Variants in RNF11 observed in about 807,000 individuals in gnomAD.
RNF11 encodes the protein ring finger protein 11.
In RNF11, 4 loss-of-function variants were observed where a neutral mutation model predicts 15.8. That is an observed-to-expected ratio of 0.25 (90% CI 0.12 to 0.58). RNF11 has a LOEUF of 0.58. RNF11 is among the 20% of genes least tolerant of loss of function. The probability of loss-of-function intolerance (pLI) is 0.91; values close to 1 mark genes in which losing one functional copy is unlikely to be tolerated. For synonymous variants in RNF11, 68 were observed against 72.3 expected, an observed-to-expected ratio of 0.94 and a Z score of 0.30; for missense variants, 139 against 194.4, an observed-to-expected ratio of 0.71 and a Z score of 1.70.
intron 1 of RNF11, among the ~76,000 whole-genome samples, chr1:51,260,255 G>A (rs1024819341): frequency 6.6e-6 from 1 of 152,150 alleles, no homozygotes; most frequent in African/African-American, 2.4e-5. Context: ...ATTAATTTAT[G>A]TGTGTTCTTT....
At chr1:51,243,187 A>G (rs1646837765) in intron 1 of RNF11, among the ~76,000 whole-genome samples, 1 of 152,244 alleles carries the variant, frequency 6.6e-6, no homozygotes, top group Non-Finnish European at 1.5e-5. Flanking sequence ...AGAATGATAC[A>G]TTAAACTTGT....
chr1:51,246,979 T>TA (rs58842374), intron 1 of RNF11, among the ~76,000 whole-genome samples: 6,345 of 126,486 alleles, frequency 0.05, 333 homozygotes, highest in African/African-American at 0.14. Context: ...CCTTATCTCT[T>TA]AAAAAAAAAA....
chr1:51,250,502 A>C (rs939449805), intron 1 of RNF11: 33 of 526,136 alleles, frequency 6.3e-5, no homozygotes, highest in Middle Eastern at 5.1e-4. Context: ...TACAGTGCTA[A>C]TTTGTTTACA....
At chr1:51,260,191 G>A (rs183040889) in intron 1 of RNF11, among the ~76,000 whole-genome samples, 22 of 152,216 alleles carry the variant, frequency 1.4e-4, no homozygotes, top group Non-Finnish European at 2.2e-4. Flanking sequence ...ATCGTAAATG[G>A]TGTTCAAACT....
chr1:51,270,681 A>G (rs1646974637), intron 2 of RNF11, among the ~76,000 whole-genome samples: 1 of 152,214 alleles, frequency 6.6e-6, no homozygotes, highest in South Asian at 2.1e-4. Context: ...TTACTCTAGG[A>G]TTACTCTAAA....
chr1:51,244,743 T>A (rs1646844599), intron 1 of RNF11, among the ~76,000 whole-genome samples: 1 of 152,190 alleles, frequency 6.6e-6, no homozygotes, highest in African/African-American at 2.4e-5. Context: ...AACCAGTTAT[T>A]TGTTATTTGT....
chr1:51,265,505 CTT>C (rs1319721283), intron 1 of RNF11, among the ~76,000 whole-genome samples: 1 of 152,164 alleles, frequency 6.6e-6, no homozygotes, highest in Non-Finnish European at 1.5e-5. Context: ...GATTCTCGCT[CTT>C]TCTCTCTTTT....
rs1322084984 is a variant in RNF11, at chr1:51,236,637, C to T, written c.-120C>T. 3.6e-6 allele frequency: 5 copies of T among 1,406,662 alleles called. No individual in the cohort carries two copies. The African/African-American group carries it at 5.7e-5, about 16-fold the overall frequency. 87.1% of individuals were successfully genotyped at this position (1,406,662 alleles called of 1,614,324 possible). A position where few individuals can be genotyped will look rare whatever the true frequency, so the allele number is the denominator to read the frequency against. On this transcript the variant is annotated 5_prime_UTR_variant, in exon 1 of 3. Coordinates refer to ENST00000242719, the MANE Select transcript of RNF11 (RefSeq NM_014372.5). ...GCACCGTGGGGCGGTGGAGTCGCCT[C>T]CGCCTGATCCCCGGCCTGTCGCCCG...
intron 1 of RNF11, among the ~76,000 whole-genome samples, chr1:51,245,048 TTATGTAGA>T (rs1272300601): frequency 6.6e-6 from 1 of 152,208 alleles, no homozygotes; most frequent in African/African-American, 2.4e-5. Context: ...ATAGAAATAC[TTATGTAGA>T]TTGGGATTCT....
At chr1:51,252,013 G>A (rs942942063) in intron 1 of RNF11, among the ~76,000 whole-genome samples, 2 of 147,176 alleles carry the variant, frequency 1.4e-5, no homozygotes, top group Non-Finnish European at 3.0e-5. Context: ...CGGGAGACAG[G>A]TCGCAGTGAG....
At chr1:51,268,616 G>C (rs1394568946) in intron 1 of RNF11, among the ~76,000 whole-genome samples, 2 of 152,172 alleles carry the variant, frequency 1.3e-5, no homozygotes, top group Admixed American at 1.3e-4. Flanking sequence ...ATTTTTGTTT[G>C]TTAGGTTCAA....
chr1:51,262,436 A>C (rs1646934300), intron 1 of RNF11, among the ~76,000 whole-genome samples: 1 of 152,274 alleles, frequency 6.6e-6, no homozygotes, highest in Non-Finnish European at 1.5e-5. Context: ...GGATACTGAA[A>C]GTAAAAGTAA....
At chr1:51,252,163 T>C (rs1646881966) in intron 1 of RNF11, among the ~76,000 whole-genome samples, 1 of 152,094 alleles carries the variant, frequency 6.6e-6, no homozygotes, top group Non-Finnish European at 1.5e-5. Flanking sequence ...CTTATGATTT[T>C]CCTAATATTC....
chr1:51,251,176 G>A (rs982597740), intron 1 of RNF11: 1 of 1,518,354 alleles, frequency 6.6e-7, no homozygotes, highest in African/African-American at 1.4e-5. Context: ...TCATCCTTGA[G>A]AGAGGCCCCC....
At position 51,260,939 on chromosome 1, in the gene RNF11, G is replaced by A. The variant is rs367886178; in HGVS notation, c.124-9017G>A. On this transcript the variant is annotated intron_variant, in intron 1 of 2. Coordinates refer to ENST00000242719, the MANE Select transcript of RNF11 (RefSeq NM_014372.5). ...TAAGTTAAAAATTTTTTAAAGTTTG[G>A]AACAAATTTGCTTAATAAAGTCAGT... Among the ~76,000 whole-genome samples the A allele has an allele frequency of 5.0e-3, 768 of 152,122 alleles. 2 individuals are homozygous for A. The highest frequency in any genetic ancestry group is 0.027 in the Middle Eastern group (8 of 294).
intron 1 of RNF11, among the ~76,000 whole-genome samples, chr1:51,257,296 G>C (rs1646908105): frequency 6.6e-6 from 1 of 152,166 alleles, no homozygotes; most frequent in African/African-American, 2.4e-5. Context: ...GAATGCTCTG[G>C]CATATTTAAA....
chr1:51,236,969 G>A, intron 1 of RNF11, 90 bp downstream of exon 1: 2 of 1,480,472 alleles, frequency 1.4e-6, no homozygotes, highest in Non-Finnish European at 1.8e-6. Context: ...CCCTGGCTTC[G>A]GCAAGGCCTG....
At chr1:51,270,953 T>G (rs1569689907) in intron 2 of RNF11, among the ~76,000 whole-genome samples, 198 bp from the exon 3 acceptor site, 2 of 152,238 alleles carry the variant, frequency 1.3e-5, no homozygotes, top group East Asian at 3.8e-4. Context: ...CTGCAAATTC[T>G]CAGGGGATTG....
intron 1 of RNF11, chr1:51,250,621 C>T (rs976348341): frequency 1.5e-5 from 11 of 715,376 alleles, no homozygotes; most frequent in African/African-American, 3.5e-5. Flanking sequence ...ACAGCTGGAG[C>T]CTGGGTCCGC....
Sources: gnomAD v4.1 joint callset for allele counts (sites outside exome capture counted in the v4.1 genomes callset) on GRCh38, gnomAD v4.1.1 for gene constraint, MANE v1.5 for transcripts, NCBI Gene and HGNC (gene_info 2026-07-23, HGNC 2026-07-21) for gene names.